MED13: variants seen among roughly 807,000 people sequenced by gnomAD.
MED13 encodes mediator of RNA polymerase II transcription subunit 13.
MED13 carries 23 observed loss-of-function variants against 225.2 expected under a neutral mutation model. The observed-to-expected ratio is 0.10, with a 90% CI of 0.07 to 0.14. The LOEUF (loss-of-function observed/expected upper bound fraction) is 0.14. Ranked by LOEUF, MED13 falls within the 10% of genes least tolerant of loss-of-function variation. The pLI is 1.00. For synonymous variants in MED13, 942 were observed against 889.2 expected (o/e 1.06, Z -1.06); for missense variants, 2,197 against 2,594.5 (o/e 0.85, Z 3.33).
intron 21 of MED13, among the ~76,000 whole-genome samples, chr17:61,962,369 T>C (rs1021696178): frequency 9.9e-5 from 15 of 152,220 alleles, no homozygotes; most frequent in Non-Finnish European, 1.5e-5. Flanking sequence ...TGTTGAAGTC[T>C]ATAAAATAAA....
In MED13 at chr17:62,021,202, G is replaced by A. The variant is rs1387390357; in HGVS notation, c.1283+8339C>T. On this transcript the variant is annotated intron_variant, in intron 8 of 29. Coordinates refer to ENST00000397786, the MANE Select transcript of MED13 (RefSeq NM_005121.3). ...ATGGCCCGTTCTCAATGAGCTGTTG[G>A]GTACACCTCCCAGACGGGGTGGTGG... Among the ~76,000 whole-genome samples the A allele has an allele frequency of 3.3e-5, 5 of 150,952 alleles. No individual in the cohort carries two copies. The South Asian group carries it at 1.1e-3, about 32-fold the overall frequency.
chr17:62,052,939 A>G (rs2080968652), intron 2 of MED13, among the ~76,000 whole-genome samples: 1 of 152,190 alleles, frequency 6.6e-6, no homozygotes, highest in Non-Finnish European at 1.5e-5. Context: ...GTATTTTTCC[A>G]CCTTATAAAA....
chr17:62,054,486 A>G (rs1450316293), intron 2 of MED13, among the ~76,000 whole-genome samples: 1 of 152,166 alleles, frequency 6.6e-6, no homozygotes, highest in African/African-American at 2.4e-5. Context: ...TCCATTTAAA[A>G]CCAAAACGTT....
Position 61,966,656 on chromosome 17 carries a change from A to G in MED13, c.4192-5T>C. 1 of 1,568,602 alleles carries G rather than the reference A, an allele frequency of 6.4e-7. No individual in the cohort carries two copies. The highest frequency in any genetic ancestry group is 8.6e-7 in the Non-Finnish European group (1 of 1,159,290). ...ATGTTGACCTAATCGACAGGACTAC[A>G]AATATACATACAGAAAGCAGAATTA... On this transcript the variant is annotated splice_region_variant and splice_polypyrimidine_tract_variant and intron_variant, in intron 18 of 29. Transcript: ENST00000397786.
chr17:61,948,890 T>C (rs1255298053), intron 28 of MED13, among the ~76,000 whole-genome samples: 1 of 150,568 alleles, frequency 6.6e-6, no homozygotes, highest in African/African-American at 2.4e-5. Flanking sequence ...ATCGAGACCA[T>C]CCCGGCTAAA....
At chr17:61,990,627 G>GTATGTATATATATATATATATATATATA (rs1555635070) in intron 11 of MED13, among the ~76,000 whole-genome samples, 2 of 139,000 alleles carry the variant, frequency 1.4e-5, no homozygotes, top group African/African-American at 2.8e-5. Context: ...GGCGCACTGT[G>GTATGTATATATATATATATATATATATA]TATATATATA....
chr17:62,024,119 G>A (rs2080676941), intron 8 of MED13, among the ~76,000 whole-genome samples: 1 of 151,942 alleles, frequency 6.6e-6, no homozygotes. Context: ...CCGGGTTCAA[G>A]CGATTCTCCT....
rs867846322 is a variant in MED13, at chr17:61,990,631, A to G, written c.2263+1909T>C. Among the ~76,000 whole-genome samples, 777 of 137,882 alleles carry G rather than the reference A, an allele frequency of 5.6e-3. 8 individuals carry two copies. The highest frequency in any genetic ancestry group is 0.02 in the African/African-American group (696 of 34,738). 90.5% of individuals were successfully genotyped at this position (137,882 alleles called of 152,430 possible). On this transcript the variant is annotated intron_variant, in intron 11 of 29. Transcript: ENST00000397786. ...CACACACACTTGGCGCACTGTGTAT[A>G]TATATATATATATATATATACACAC...
At chr17:61,946,683 A>T in intron 29 of MED13, 83 bp from the exon 30 acceptor site, 1 of 1,498,182 alleles carries the variant, frequency 6.7e-7, no homozygotes, top group Non-Finnish European at 9.1e-7. Flanking sequence ...GGCATTTAAG[A>T]CTCAAAGTCA....
chr17:62,045,732 A>G (rs1427138570), intron 3 of MED13, among the ~76,000 whole-genome samples: 1 of 152,198 alleles, frequency 6.6e-6, no homozygotes, highest in African/African-American at 2.4e-5. Context: ...CACCTAAACT[A>G]TTCAAGAAAA....
At chr17:61,986,545 T>C (rs1179544231) in intron 12 of MED13, among the ~76,000 whole-genome samples, 2 of 152,242 alleles carry the variant, frequency 1.3e-5, no homozygotes, top group East Asian at 3.8e-4. Flanking sequence ...TTATATCATG[T>C]ATCTGTCTTA....
chr17:62,012,838 G>A (rs188080634), intron 8 of MED13, among the ~76,000 whole-genome samples: 99 of 151,740 alleles, frequency 6.5e-4, no homozygotes, highest in East Asian at 4.9e-3. Flanking sequence ...CTGTTGCCAG[G>A]CTGTAGTGCA....
chr17:62,050,948 T>C (rs1480475950), intron 3 of MED13, among the ~76,000 whole-genome samples: 1 of 152,168 alleles, frequency 6.6e-6, no homozygotes, highest in Non-Finnish European at 1.5e-5. Flanking sequence ...GAGGTTGCAG[T>C]GAGCTGAGAT....
chr17:62,048,656 AC>A (rs1342716721), intron 3 of MED13, among the ~76,000 whole-genome samples: 1 of 152,138 alleles, frequency 6.6e-6, no homozygotes, highest in East Asian at 1.9e-4. Context: ...CAATAGGTTC[AC>A]TAAACACTGG....
intron 16 of MED13, among the ~76,000 whole-genome samples, chr17:61,977,540 C>A (rs138785944): frequency 1.3e-5 from 2 of 152,212 alleles, no homozygotes; most frequent in Non-Finnish European, 2.9e-5. Context: ...TAAGCTCCCC[C>A]TCCCGGGTTC....
chr17:62,015,954 ATTTTTTTTTTTTTTT>A (rs869061252), intron 8 of MED13, among the ~76,000 whole-genome samples: 10 of 12,898 alleles, frequency 7.8e-4, no homozygotes, highest in South Asian at 5.5e-3. Flanking sequence ...ATATATATAT[ATTTTTTTTTTTTTTT>A]TTTTTTTTTT....
chr17:61,976,024 A>T (rs2143426516), intron 16 of MED13, among the ~76,000 whole-genome samples: 1 of 152,336 alleles, frequency 6.6e-6, no homozygotes, highest in East Asian at 1.9e-4. Context: ...CTCAAAAAAA[A>T]AATAAATAAA....
At chr17:61,976,413 C>T (rs145848777) in intron 16 of MED13, among the ~76,000 whole-genome samples, 15 of 152,082 alleles carry the variant, frequency 9.9e-5, no homozygotes, top group East Asian at 5.8e-4. Context: ...GAAGGTTGGA[C>T]GGAAAAAGGG....
In MED13 at chr17:61,995,280, T is replaced by G; in HGVS notation, c.2053A>C (p.Ile685Leu). The G allele has an allele frequency of 6.2e-7, 1 of 1,613,866 alleles. No individual in the cohort carries two copies. Among genetic ancestry groups the G allele is most frequent in the Non-Finnish European group, 8.5e-7 (1 of 1,179,904 alleles). ...YQIKNQCLSA[I>L]ASDAEQEPKI... ...GGTTCTTGTTCTGCATCAGATGCTA[T>G]TGCTGAAAGACACTGGTTTTTAATT... is the stretch of plus-strand genomic sequence containing the variant. Residue 685 changes from isoleucine (I) to leucine (L), a missense_variant, in exon 10 of 30, where the codon ATA becomes CTA. Ile to Leu is a conservative substitution (Grantham distance 5). This residue lies in a region of MED13 where 884 missense variants were observed against 918.5 expected (regional missense o/e 0.96). Coordinates refer to ENST00000397786, the MANE Select transcript of MED13 (RefSeq NM_005121.3).
Sources: gnomAD v4.1 joint callset for allele counts (sites outside exome capture counted in the v4.1 genomes callset) on GRCh38, gnomAD v4.1.1 for gene constraint, gnomAD v4.1.1 regional missense constraint, MANE v1.5 for transcripts, NCBI Gene and HGNC (gene_info 2026-07-23, HGNC 2026-07-21) for gene names.